Variants in KLHDC1 observed in about 807,000 individuals in gnomAD.
KLHDC1 encodes kelch domain containing 1.
A neutral mutation model predicts 68.3 loss-of-function variants in KLHDC1; 53 were observed. The ratio of observed to expected loss-of-function variants is 0.78; its 90% CI spans 0.62 to 0.98. The LOEUF (loss-of-function observed/expected upper bound fraction) is 0.98. Ranked by LOEUF, KLHDC1 falls within the 50% of genes least tolerant of loss-of-function variation. The probability of loss-of-function intolerance (pLI) is 0.00; values close to 1 mark genes in which losing one functional copy is unlikely to be tolerated. For missense variants in KLHDC1, 470 were observed against 492.3 expected (o/e 0.95, Z 0.43); for synonymous variants, 148 against 159.0 (o/e 0.93, Z 0.52).
Position 49,751,731 on chromosome 14 carries a change from G to A in KLHDC1, c.1180G>A (p.Glu394Lys). 1 of 1,592,264 alleles carries A rather than the reference G, an allele frequency of 6.3e-7. No homozygotes were observed. The highest frequency in any genetic ancestry group is 8.6e-7 in the Non-Finnish European group (1 of 1,168,450). Residue 394 changes from glutamate (E) to lysine (K), a missense_variant, in exon 13 of 13, where the codon GAA becomes AAA. Physicochemically the swap from Glu to Lys is moderately conservative, Grantham distance 56 (BLOSUM62 1). Coordinates refer to ENST00000359332, the MANE Select transcript of KLHDC1 (RefSeq NM_172193.3). ...NHREEQRVQK[E>K]ETENKYQWIS... ...CCGAGAAGAACAAAGAGTCCAAAAA[G>A]AAGAAACAGAAAATAAATATCAGTG...
chr14:49,746,892 C>G (rs1170339036), intron 12 of KLHDC1, among the ~76,000 whole-genome samples: 1 of 152,048 alleles, frequency 6.6e-6, no homozygotes, highest in Non-Finnish European at 1.5e-5. Context: ...ACTCCTTGGA[C>G]TCTTCTCGGT....
chr14:49,739,974 A>ATG (rs1889020338), intron 10 of KLHDC1, 124 bp from the exon 11 acceptor site: 3 of 555,028 alleles, frequency 5.4e-6, no homozygotes, highest in Non-Finnish European at 9.4e-6. Context: ...CCAAAGGTTC[A>ATG]AGTTCAATCG....
At position 49,693,144 on chromosome 14, in the gene KLHDC1, C is replaced by G; in HGVS notation, c.-51C>G. 6.7e-7 allele frequency: 1 copy of G among 1,502,964 alleles called. No homozygotes were observed. The highest frequency in any genetic ancestry group is 1.2e-5 in the South Asian group (1 of 83,362). The allele number at this position is 1,502,964 out of a possible 1,614,324, so 93.1% of individuals were successfully genotyped here. Reference sequence around the variant, plus strand: ...CAGTCGGGGCTGGAGGCGAGGCCGCCGGGCGGGCAGGGGTTGTGGCGCGGC... The same window carrying G: ...CAGTCGGGGCTGGAGGCGAGGCCGCGGGGCGGGCAGGGGTTGTGGCGCGGC... On this transcript the variant is annotated 5_prime_UTR_variant, in exon 1 of 13. Coordinates refer to ENST00000359332, the MANE Select transcript of KLHDC1 (RefSeq NM_172193.3).
chr14:49,717,840 G>C (rs991976025), intron 4 of KLHDC1, among the ~76,000 whole-genome samples: 2 of 151,872 alleles, frequency 1.3e-5, no homozygotes, highest in Non-Finnish European at 2.9e-5. Flanking sequence ...CATCTTACTT[G>C]TTATAGGTTT....
chr14:49,729,081 G>T (rs1013135274), intron 7 of KLHDC1, 72 bp downstream of exon 7: 3 of 1,007,344 alleles, frequency 3.0e-6, no homozygotes, highest in Non-Finnish European at 4.7e-6. Flanking sequence ...CTGATTTCGT[G>T]GAATAATTGA....
intron 11 of KLHDC1, among the ~76,000 whole-genome samples, chr14:49,743,293 A>G (rs1187309321): frequency 1.3e-5 from 2 of 149,308 alleles, no homozygotes; most frequent in African/African-American, 2.5e-5. Context: ...CCAGCTACTC[A>G]GGAGGCTGAG....
chr14:49,745,427 T>G (rs1003582482), intron 12 of KLHDC1, among the ~76,000 whole-genome samples: 2 of 152,186 alleles, frequency 1.3e-5, no homozygotes, highest in Non-Finnish European at 2.9e-5. Flanking sequence ...AGTGCCTACT[T>G]GGGAAGGCAC....
At chr14:49,747,049 C>A (rs1023510903) in intron 12 of KLHDC1, among the ~76,000 whole-genome samples, 1 of 151,808 alleles carries the variant, frequency 6.6e-6, no homozygotes, top group South Asian at 2.1e-4. Context: ...CGGGTTCACG[C>A]CATTCTCCTG....
chr14:49,693,365 A>G (rs1887626154), intron 1 of KLHDC1, 75 bp downstream of exon 1: 1 of 1,099,244 alleles, frequency 9.1e-7, no homozygotes. Context: ...CGCCCGCCAC[A>G]CCCGCTCCCG....
chr14:49,693,191 G>A lies in KLHDC1; in HGVS notation c.-4G>A, dbSNP rs754935792. 5 of 1,581,286 alleles carry A rather than the reference G, an allele frequency of 3.2e-6. No homozygotes were observed. Among genetic ancestry groups the A allele is most frequent in the African/African-American group, 1.4e-5 (1 of 71,094 alleles). On this transcript the variant is annotated 5_prime_UTR_variant, in exon 1 of 13. Transcript: ENST00000359332. Reference sequence around the variant, plus strand: ...CGGCAAGCGGCGGGCCAGCGACGGCGCGAATGGCGGACTCTCAGCTGTTCT... The same window carrying A: ...CGGCAAGCGGCGGGCCAGCGACGGCACGAATGGCGGACTCTCAGCTGTTCT...
chr14:49,735,623 T>C (rs1888913861), intron 10 of KLHDC1, among the ~76,000 whole-genome samples: 1 of 152,076 alleles, frequency 6.6e-6, no homozygotes, highest in Non-Finnish European at 1.5e-5. Flanking sequence ...TTTTTTTTAA[T>C]GTAAAGAGTT....
In KLHDC1 at chr14:49,745,514, A is replaced by C. The variant is rs185304824; in HGVS notation, c.1034+1709A>C. On this transcript the variant is annotated intron_variant, in intron 12 of 12. Coordinates refer to ENST00000359332, the MANE Select transcript of KLHDC1 (RefSeq NM_172193.3). ...AGAAGGTAGACTTTCAAGCTTCCAG[A>C]CTTTTTCTACAATAGAAAAAGGAAA... Among the ~76,000 whole-genome samples the C allele has an allele frequency of 1.4e-4, 21 of 152,302 alleles. No individual in the cohort carries two copies. In the East Asian group the frequency reaches 3.9e-3, roughly 28 times the overall value.
At chr14:49,733,487 G>A (rs1003454847) in intron 9 of KLHDC1, among the ~76,000 whole-genome samples, 1 of 150,828 alleles carries the variant, frequency 6.6e-6, no homozygotes, top group Admixed American at 6.6e-5. Flanking sequence ...GAGTGGGATG[G>A]TGCAATCTCG....
Position 49,753,090 on chromosome 14 carries a change from A to G in KLHDC1, c.*1318A>G. ...GTTTTATTTATTGTACAAAGTGTAT[A>G]TAATTACTGTTTTCTTTTTTGTCAG... On this transcript the variant is annotated 3_prime_UTR_variant, in exon 13 of 13. Coordinates refer to ENST00000359332, the MANE Select transcript of KLHDC1 (RefSeq NM_172193.3). 6.6e-6 allele frequency: 1 copy of G among 152,132 alleles called. No homozygotes were observed. The highest frequency in any genetic ancestry group is 2.1e-4 in the South Asian group (1 of 4,830). The allele number at this position is 152,132 out of a possible 1,614,324, so 9.4% of individuals were successfully genotyped here.
At chr14:49,710,102 A>G (rs1008797944) in intron 3 of KLHDC1, among the ~76,000 whole-genome samples, 161 bp from the exon 4 acceptor site, 1 of 152,130 alleles carries the variant, frequency 6.6e-6, no homozygotes, top group Admixed American at 6.6e-5. Context: ...TTTTACTCCT[A>G]AAACAGTCTC....
intron 4 of KLHDC1, among the ~76,000 whole-genome samples, chr14:49,717,230 G>T (rs773243719): frequency 2.0e-5 from 3 of 152,182 alleles, no homozygotes; most frequent in Non-Finnish European, 4.4e-5. Flanking sequence ...TATACGTTAA[G>T]AATAGAACTG....
intron 1 of KLHDC1, among the ~76,000 whole-genome samples, chr14:49,698,944 C>T (rs1334145465): frequency 6.6e-6 from 1 of 151,610 alleles, no homozygotes; most frequent in Non-Finnish European, 1.5e-5. Flanking sequence ...GCGGGTGGAT[C>T]ACGAGGGCAG....
At chr14:49,727,175 G>A (rs1459937009) in intron 6 of KLHDC1, among the ~76,000 whole-genome samples, 1 of 152,100 alleles carries the variant, frequency 6.6e-6, no homozygotes, top group Admixed American at 6.5e-5. Context: ...TTGAACCTGG[G>A]AGGCGGAGGT....
intron 4 of KLHDC1, among the ~76,000 whole-genome samples, chr14:49,723,117 AGAG>A (rs1329337475): frequency 7.8e-4 from 112 of 143,654 alleles, no homozygotes; most frequent in African/African-American, 2.6e-3. Context: ...AAAAAAAAGA[AGAG>A]AAAACCATGA....
Sources: allele counts gnomAD v4.1 joint callset (sites outside exome capture counted in the v4.1 genomes callset), GRCh38; gene constraint gnomAD v4.1.1; transcripts MANE v1.5; gene names NCBI Gene and HGNC (gene_info 2026-07-23, HGNC 2026-07-21).